Variants in KMO observed in about 807,000 individuals in gnomAD.
KMO encodes the protein kynurenine 3-hydroxylase.
KMO carries 24 observed loss-of-function variants against 57.8 expected under a neutral mutation model. The ratio of observed to expected loss-of-function variants is 0.42; its 90% CI spans 0.30 to 0.58. KMO has a LOEUF of 0.58. KMO is among the 20% of genes least tolerant of loss of function. The pLI is 0.22. For missense variants in KMO, 483 were observed against 588.2 expected, an observed-to-expected ratio of 0.82 and a Z score of 1.85; for synonymous variants, 210 against 193.6, an observed-to-expected ratio of 1.08 and a Z score of -0.70.
intron 10 of KMO, among the ~76,000 whole-genome samples, chr1:241,578,513 C>T (rs1363647185): frequency 7.2e-5 from 11 of 152,112 alleles, no homozygotes; most frequent in Admixed American, 7.2e-4. Context: ...CACTTGAGGC[C>T]ACTGTGGGGA....
chr1:241,562,632 G>A (rs1444545083), intron 7 of KMO, among the ~76,000 whole-genome samples: 2 of 152,152 alleles, frequency 1.3e-5, no homozygotes, highest in Non-Finnish European at 2.9e-5. Context: ...TTGAACCCAA[G>A]ATATCAAGAC....
chr1:241,589,976 G>C (rs1382570676), intron 12 of KMO, 36 bp from the exon 13 acceptor site: 1 of 1,488,662 alleles, frequency 6.7e-7, no homozygotes, highest in Non-Finnish European at 9.4e-7. Flanking sequence ...AGCTGTATTT[G>C]TTCAAAAGCG....
chr1:241,557,682 G>T, intron 5 of KMO, among the ~76,000 whole-genome samples: 1 of 152,192 alleles, frequency 6.6e-6, no homozygotes, highest in East Asian at 1.9e-4. Context: ...AAATGAACCA[G>T]CCGGGTGCGG....
At chr1:241,539,922 T>C (rs1932441) in intron 1 of KMO, among the ~76,000 whole-genome samples, 95,771 of 152,076 alleles carry the variant, frequency 0.63, 30,339 homozygotes, top group East Asian at 0.76. Context: ...TTGTCTATAA[T>C]GCTAAAGAAT....
At chr1:241,549,266 A>AAGAAAGAAAGTCGGAAAGAAAGAAAGG in intron 2 of KMO, among the ~76,000 whole-genome samples, 1 of 117,644 alleles carries the variant, frequency 8.5e-6, no homozygotes, top group East Asian at 2.4e-4. Flanking sequence ...AGAAAGAAAG[A>AAGAAAGAAAGTCGGAAAGAAAGAAAGG]AAGGAAGGAA....
intron 5 of KMO, among the ~76,000 whole-genome samples, chr1:241,557,826 AAAC>A (rs1356496192): frequency 1.3e-5 from 2 of 152,190 alleles, no homozygotes; most frequent in African/African-American, 2.4e-5. Flanking sequence ...AATCAAAACA[AAAC>A]AACAACAAGA....
rs978165212 is a variant in KMO, at chr1:241,549,732, T to C, written c.180T>C (p.His60=). 3.7e-6 allele frequency: 6 copies of C among 1,613,654 alleles called. No individual in the cohort carries two copies. The highest frequency in any genetic ancestry group is 1.7e-5 in the Admixed American group (1 of 59,982). The change falls in exon 3 of 15, where the codon CAT becomes CAC. Residue 60 remains histidine, a synonymous_variant. Transcript: ENST00000366559. ...GAAGCATTAACTTAGCCCTTTCTCATAGAGGACGACAAGCCTTGAAAGCTG... is the reference window on the plus strand; with the variant it reads ...GAAGCATTAACTTAGCCCTTTCTCACAGAGGACGACAAGCCTTGAAAGCTG... ...RGRSINLALS[H]RGRQALKAVG...
At chr1:241,547,944 G>A (rs1661209712) in intron 1 of KMO, among the ~76,000 whole-genome samples, 1 of 151,978 alleles carries the variant, frequency 6.6e-6, no homozygotes, top group Non-Finnish European at 1.5e-5. Context: ...AGTGTCCTTT[G>A]ACAGTAGGGC....
chr1:241,555,543 G>C (rs988147652), intron 4 of KMO, 69 bp from the exon 5 acceptor site: 1 of 844,416 alleles, frequency 1.2e-6, no homozygotes, highest in Non-Finnish European at 2.0e-6. Flanking sequence ...TTATTGCTGA[G>C]TGAATAACTT....
intron 9 of KMO, among the ~76,000 whole-genome samples, chr1:241,568,174 A>G (rs1007153312): frequency 2.0e-5 from 3 of 152,216 alleles, no homozygotes; most frequent in Admixed American, 2.0e-4. Context: ...GGAAACCTAA[A>G]ATACACTGCT....
At position 241,588,799 on chromosome 1, in the gene KMO, T is replaced by G; in HGVS notation, c.1067T>G (p.Ile356Ser). The change falls in exon 12 of 15, where the codon ATT becomes AGT. Residue 356 changes from isoleucine to serine, a missense_variant. By Grantham distance (142) the Ile-to-Ser change is moderately radical. Coordinates refer to ENST00000366559, the MANE Select transcript of KMO (RefSeq NM_003679.5). ...SRLRIPDDHAISDLSMYNYIE... is the reference protein window; with the variant it reads ...SRLRIPDDHASSDLSMYNYIE... Reference sequence around the variant, plus strand: ...TTGAGAATCCCAGATGATCACGCGATTTCAGACCTATCCATGTACAATTAC... The same window carrying G: ...TTGAGAATCCCAGATGATCACGCGAGTTCAGACCTATCCATGTACAATTAC... 6.2e-7 allele frequency: 1 copy of G among 1,613,538 alleles called. No homozygotes were observed. The highest frequency in any genetic ancestry group is 8.5e-7 in the Non-Finnish European group (1 of 1,179,670).
intron 1 of KMO, among the ~76,000 whole-genome samples, chr1:241,545,168 A>C (rs1558412562): frequency 6.6e-6 from 1 of 152,212 alleles, no homozygotes; most frequent in Non-Finnish European, 1.5e-5. Context: ...TATATGAAGC[A>C]CTTACTATGT....
chr1:241,560,742 A>G lies in KMO; in HGVS notation c.439A>G (p.Thr147Ala). Residue 147 changes from threonine (T) to alanine (A), a missense_variant, in exon 6 of 15, where the codon ACA becomes GCA. Physicochemically the swap from Thr to Ala is moderately conservative, Grantham distance 58 (BLOSUM62 0). Coordinates refer to ENST00000366559, the MANE Select transcript of KMO (RefSeq NM_003679.5). ...ATGTAATCCAGAGGAAGGAATGATC[A>G]CAGTGCTTGGGTAACTACGGGTCAG... The part of the protein sequence containing the change: ...LKCNPEEGMI[T>A]VLGSDKVPKD... The G allele has an allele frequency of 1.9e-6, 3 of 1,612,398 alleles. No individual in the cohort carries two copies. Among genetic ancestry groups the G allele is most frequent in the Non-Finnish European group, 2.5e-6 (3 of 1,178,436 alleles).
chr1:241,535,295 A>G (rs559331924), intron 1 of KMO, among the ~76,000 whole-genome samples: 33 of 151,962 alleles, frequency 2.2e-4, no homozygotes, highest in African/African-American at 8.0e-4. Flanking sequence ...CTTTCCATAA[A>G]CCATATCCCA....
At chr1:241,539,755 C>G (rs979028647) in intron 1 of KMO, among the ~76,000 whole-genome samples, 2 of 152,136 alleles carry the variant, frequency 1.3e-5, no homozygotes, top group Non-Finnish European at 2.9e-5. Context: ...TCCATTCCCC[C>G]ACTAGTAATA....
At chr1:241,547,116 A>T (rs1460712356) in intron 1 of KMO, among the ~76,000 whole-genome samples, 2 of 152,214 alleles carry the variant, frequency 1.3e-5, no homozygotes, top group Non-Finnish European at 2.9e-5. Flanking sequence ...CAGCCTATAT[A>T]AAGCTACTGG....
chr1:241,571,722 A>G (rs902683880), intron 10 of KMO, among the ~76,000 whole-genome samples: 2 of 152,028 alleles, frequency 1.3e-5, no homozygotes, highest in Non-Finnish European at 2.9e-5. Flanking sequence ...TATGTTTATC[A>G]GAGATATTGG....
chr1:241,551,234 A>G (rs1309072211), intron 4 of KMO, among the ~76,000 whole-genome samples, 190 bp downstream of exon 4: 3 of 152,234 alleles, frequency 2.0e-5, no homozygotes, highest in African/African-American at 7.2e-5. Flanking sequence ...GCCCCAGCCC[A>G]GAATAAACAT....
At chr1:241,536,882 G>A (rs1233836657) in intron 1 of KMO, among the ~76,000 whole-genome samples, 1 of 152,098 alleles carries the variant, frequency 6.6e-6, no homozygotes, top group Non-Finnish European at 1.5e-5. Context: ...AATTGCTTTT[G>A]AGGCAACTTG....
Sources: gnomAD v4.1 joint callset for allele counts (sites outside exome capture counted in the v4.1 genomes callset) on GRCh38, gnomAD v4.1.1 for gene constraint, MANE v1.5 for transcripts, NCBI Gene and HGNC (gene_info 2026-07-23, HGNC 2026-07-21) for gene names.